Variants in EPM2A observed in about 807,000 individuals in gnomAD.
EPM2A encodes the protein EPM2A glucan phosphatase, laforin.
A neutral mutation model predicts 26.5 loss-of-function variants in EPM2A; 21 were observed. That is an observed-to-expected ratio of 0.79 (90% CI 0.56 to 1.14). EPM2A has a LOEUF of 1.14. Ranked by LOEUF, EPM2A falls within the 50% of genes most tolerant of loss-of-function variation. The pLI is 0.00. For synonymous variants in EPM2A, 217 were observed against 177.6 expected (o/e 1.22, Z -1.76); for missense variants, 458 against 440.8 (o/e 1.04, Z -0.35).
chr6:145,555,165 C>T (rs188109823), intron 2 of EPM2A, among the ~76,000 whole-genome samples: 3 of 152,160 alleles, frequency 2.0e-5, no homozygotes, highest in Non-Finnish European at 4.4e-5. Flanking sequence ...TAAATGGGAT[C>T]GTTCTATTAG....
intron 2 of EPM2A, among the ~76,000 whole-genome samples, chr6:145,614,762 G>A (rs1260170318): frequency 1.3e-5 from 2 of 152,150 alleles, no homozygotes; most frequent in African/African-American, 4.8e-5. Context: ...GCACCCCAAA[G>A]CAATTACAAT....
At chr6:145,550,520 G>A (rs1325049852) in intron 2 of EPM2A, among the ~76,000 whole-genome samples, 1 of 152,014 alleles carries the variant, frequency 6.6e-6, no homozygotes, top group East Asian at 1.9e-4. Context: ...AGAAAGAAGA[G>A]GGAAAGTCTT....
At chr6:145,669,609 A>T (rs697052) in intron 2 of EPM2A, among the ~76,000 whole-genome samples, 1,624 of 152,330 alleles carry the variant, frequency 0.011, 10 homozygotes, top group Non-Finnish European at 0.016. Flanking sequence ...ACTGAAAAAC[A>T]TCATATAAAA....
intron 2 of EPM2A, among the ~76,000 whole-genome samples, chr6:145,522,585 A>G (rs1780217054): frequency 6.6e-6 from 1 of 152,202 alleles, no homozygotes; most frequent in Non-Finnish European, 1.5e-5. Context: ...CCTGCAGGCT[A>G]AAATTTATAT....
intron 2 of EPM2A, chr6:145,635,977 C>A (rs1776652049): frequency 5.6e-6 from 1 of 179,244 alleles, no homozygotes; most frequent in Non-Finnish European, 1.2e-5. Flanking sequence ...TAAAAAACAA[C>A]AGACTTCTTT....
chr6:145,730,503 G>C (rs902292890), intron 1 of EPM2A, among the ~76,000 whole-genome samples: 1 of 152,198 alleles, frequency 6.6e-6, no homozygotes, highest in African/African-American at 2.4e-5. Flanking sequence ...ATATAGTCCT[G>C]AGCTTCTTGT....
chr6:145,510,673 T>A (rs1216996523), intron 2 of EPM2A, among the ~76,000 whole-genome samples: 1 of 151,794 alleles, frequency 6.6e-6, no homozygotes, highest in Non-Finnish European at 1.5e-5. Flanking sequence ...TAACCTTGCA[T>A]CTAACAGAAT....
chr6:145,656,641 GT>G (rs1562450388), intron 2 of EPM2A, among the ~76,000 whole-genome samples: 1 of 151,010 alleles, frequency 6.6e-6, no homozygotes, highest in Non-Finnish European at 1.5e-5. Context: ...TCAATATCAG[GT>G]TTTGGCAACA....
At chr6:145,612,985 T>G (rs1775424860) in intron 2 of EPM2A, among the ~76,000 whole-genome samples, 1 of 152,040 alleles carries the variant, frequency 6.6e-6, no homozygotes, top group Non-Finnish European at 1.5e-5. Context: ...GTTTGCCATA[T>G]CCATTGACTC....
chr6:145,662,062 G>T (rs1052303377), intron 2 of EPM2A, among the ~76,000 whole-genome samples: 2 of 152,010 alleles, frequency 1.3e-5, no homozygotes, highest in African/African-American at 2.4e-5. Flanking sequence ...AAAGGAAATG[G>T]GTTTTTGAAA....
At chr6:145,654,914 C>CT (rs1158355185) in intron 2 of EPM2A, among the ~76,000 whole-genome samples, 36 of 151,466 alleles carry the variant, frequency 2.4e-4, no homozygotes, top group Admixed American at 1.2e-3. Context: ...CAAATTTGGA[C>CT]TTTTTTTTTA....
At position 145,653,058 on chromosome 6, in the gene EPM2A, A is replaced by G. The variant is rs74474037; in HGVS notation, c.477-17572T>C. 7.8e-3 allele frequency among the ~76,000 whole-genome samples: 1,183 copies of G among 152,360 alleles called. 20 individuals carry two copies. The highest frequency in any genetic ancestry group is 0.027 in the African/African-American group (1,123 of 41,580). Reference sequence around the variant, plus strand: ...AAACATGGAAAGAGAAAGTAAGACAAGAGATGTACAATAATCATCAAGCCT... The same window carrying G: ...AAACATGGAAAGAGAAAGTAAGACAGGAGATGTACAATAATCATCAAGCCT... On this transcript the variant is annotated intron_variant, in intron 2 of 3. Transcript: ENST00000367519.
intron 4 of EPM2A, among the ~76,000 whole-genome samples, chr6:145,462,817 G>A (rs1779342824): frequency 6.6e-6 from 1 of 152,114 alleles, no homozygotes; most frequent in Non-Finnish European, 1.5e-5. Flanking sequence ...CTTATTTAAA[G>A]CCTCAATAAA....
chr6:145,420,489 A>G (rs1008614508), intron 4 of EPM2A, among the ~76,000 whole-genome samples: 1 of 152,158 alleles, frequency 6.6e-6, no homozygotes, highest in Non-Finnish European at 1.5e-5. Flanking sequence ...TCTTTTTATA[A>G]CAGATAAAAA....
intron 2 of EPM2A, among the ~76,000 whole-genome samples, chr6:145,578,194 G>T (rs1357971308): frequency 5.3e-5 from 8 of 151,874 alleles, no homozygotes; most frequent in Non-Finnish European, 1.0e-4. Context: ...AAATAATAAA[G>T]GTCAGTGCAG....
chr6:145,633,491 T>A (rs1776418726), intron 3 of EPM2A, among the ~76,000 whole-genome samples: 1 of 152,138 alleles, frequency 6.6e-6, no homozygotes, highest in South Asian at 2.1e-4. Context: ...CCAAGAGGAA[T>A]AACCAGACTG....
chr6:145,459,601 T>C (rs566752517), intron 4 of EPM2A, among the ~76,000 whole-genome samples: 4 of 152,190 alleles, frequency 2.6e-5, no homozygotes, highest in Admixed American at 6.6e-5. Context: ...ATAATGTCCC[T>C]GGATCCTCCC....
intron 3 of EPM2A, chr6:145,635,018 C>G: frequency 2.1e-6 from 1 of 481,010 alleles, no homozygotes; most frequent in Non-Finnish European, 3.7e-6. Flanking sequence ...GCCGCATACC[C>G]AGTACATACA....
At chr6:145,386,570 ACT>A (rs1562315581) in intron 4 of EPM2A, among the ~76,000 whole-genome samples, 1 of 151,922 alleles carries the variant, frequency 6.6e-6, no homozygotes, top group African/African-American at 2.4e-5. Flanking sequence ...AAAATTCAAA[ACT>A]TTTTTTTAAA....
Sources: allele counts gnomAD v4.1 joint callset (sites outside exome capture counted in the v4.1 genomes callset), GRCh38; gene constraint gnomAD v4.1.1; transcripts MANE v1.5; gene names NCBI Gene and HGNC (gene_info 2026-07-23, HGNC 2026-07-21).